Variants in ARID4A observed in about 807,000 individuals in gnomAD.
The protein encoded by ARID4A is AT-rich interaction domain 4A, also known as AT-rich interactive domain-containing protein 4A.
Under a neutral mutation model 148.6 loss-of-function variants are expected in ARID4A, and 39 were observed. The ratio of observed to expected loss-of-function variants is 0.26; its 90% CI spans 0.20 to 0.34. The LOEUF is 0.34. Among genes scored for constraint, ARID4A ranks in the 10% least tolerant of loss-of-function variants. The pLI is 1.00. For synonymous variants in ARID4A, 475 were observed against 481.2 expected (o/e 0.99, Z 0.17); for missense variants, 1,265 against 1,449.1 (o/e 0.87, Z 2.06).
At chr14:58,304,921 T>C (rs1319523687) in intron 3 of ARID4A, 23 bp from the exon 4 acceptor site, 5 of 1,592,216 alleles carry the variant, frequency 3.1e-6, no homozygotes, top group Non-Finnish European at 4.3e-6. Context: ...AATATGCAAA[T>C]TATTGTGCAA....
chr14:58,362,777 C>T (rs1232745467), intron 19 of ARID4A, among the ~76,000 whole-genome samples: 6 of 152,180 alleles, frequency 3.9e-5, no homozygotes, highest in East Asian at 2.0e-4. Flanking sequence ...ACGCTGGTCT[C>T]GCACTCTTGA....
intron 1 of ARID4A, 158 bp from the exon 2 acceptor site, chr14:58,299,640 C>T (rs912600087): frequency 3.2e-6 from 2 of 626,272 alleles, no homozygotes; most frequent in Non-Finnish European, 5.6e-6. Flanking sequence ...CTCGCTGCCC[C>T]CTCAGCTCCT....
At chr14:58,320,829 G>T (rs934415847) in intron 7 of ARID4A, among the ~76,000 whole-genome samples, 1 of 151,990 alleles carries the variant, frequency 6.6e-6, no homozygotes, top group East Asian at 1.9e-4. Context: ...GGATGGTCTC[G>T]ATCTCCTGAC....
chr14:58,327,074 T>C (rs1212005520), intron 8 of ARID4A, among the ~76,000 whole-genome samples: 1 of 152,242 alleles, frequency 6.6e-6, no homozygotes, highest in African/African-American at 2.4e-5. Context: ...TATCTGGATA[T>C]ACACTATTCA....
intron 9 of ARID4A, among the ~76,000 whole-genome samples, chr14:58,328,673 A>G (rs775867316): frequency 5.9e-5 from 9 of 152,032 alleles, no homozygotes; most frequent in Non-Finnish European, 1.3e-4. Context: ...TACAAGAGCA[A>G]TTATTTTGAC....
intron 23 of ARID4A, among the ~76,000 whole-genome samples, chr14:58,371,680 T>G (rs1268111181): frequency 6.6e-6 from 1 of 152,194 alleles, no homozygotes; most frequent in Non-Finnish European, 1.5e-5. Flanking sequence ...TTTTAAGTGT[T>G]GAGTAGTGCT....
intron 16 of ARID4A, 167 bp downstream of exon 16, chr14:58,351,490 G>A: frequency 5.5e-6 from 5 of 910,676 alleles, no homozygotes; most frequent in East Asian, 2.6e-5. Flanking sequence ...ATTGCCTTTC[G>A]GAATTGGAGA....
rs1219714715 is a variant in ARID4A, at chr14:58,304,903, T to C, written c.118-41T>C. 6 of 1,515,612 alleles carry C rather than the reference T, an allele frequency of 4.0e-6. No homozygotes were observed. The Admixed American group carries it at 1.0e-4, about 26-fold the overall frequency. 93.9% of individuals were successfully genotyped at this position (1,515,612 alleles called of 1,614,324 possible). A position where few individuals can be genotyped will look rare whatever the true frequency, so the allele number is the denominator to read the frequency against. On this transcript the variant is annotated intron_variant, in intron 3 of 23. Coordinates refer to ENST00000355431, the MANE Select transcript of ARID4A (RefSeq NM_002892.4). ...TAGTGTTACTATAAATGTATTTGTT[T>C]TAAAAGTAATATGCAAATTATTGTG... is the stretch of plus-strand genomic sequence containing the variant.
chr14:58,366,250 C>T lies in ARID4A; in HGVS notation c.3523+20C>T. 1 of 1,561,310 alleles carries T rather than the reference C, an allele frequency of 6.4e-7. No individual in the cohort carries two copies. On this transcript the variant is annotated intron_variant, in intron 22 of 23. Transcript: ENST00000355431. ...AGCTCAGTAAGAAGCTTATAGAAAA[C>T]TTGATAGATGAATACTGTAAAGTGG...
At chr14:58,362,373 G>A (rs2035170974) in intron 19 of ARID4A, among the ~76,000 whole-genome samples, 1 of 152,086 alleles carries the variant, frequency 6.6e-6, no homozygotes, top group Non-Finnish European at 1.5e-5. Flanking sequence ...AGGATCACTT[G>A]AGCCCAGGAG....
rs146360033 is a variant in ARID4A, at chr14:58,356,540, G to A, written c.1854-2592G>A. ...TAATATGATGCTCATAGCCAGTCTC[G>A]TTTTAGAAACTAGATACTGGGTTAA... On this transcript the variant is annotated intron_variant, in intron 17 of 23. Transcript: ENST00000355431. Among the ~76,000 whole-genome samples the A allele has an allele frequency of 1.4e-3, 218 of 152,034 alleles. 1 individual carries two copies. Among genetic ancestry groups the A allele is most frequent in the Middle Eastern group, 6.8e-3 (2 of 294 alleles).
rs983104372 is a variant in ARID4A, at chr14:58,299,638, C to A, written c.-57-160C>A. On this transcript the variant is annotated intron_variant, in intron 1 of 23. Transcript: ENST00000355431. ...TTGGCGCTCGTGGGGTTCTCGCTGC[C>A]CCCTCAGCTCCTGCGTCCTGGCTGC... 14 of 619,126 alleles carry A rather than the reference C, an allele frequency of 2.3e-5. No homozygotes were observed. In the East Asian group the frequency reaches 3.6e-4, roughly 16 times the overall value. 38.4% of individuals were successfully genotyped at this position (619,126 alleles called of 1,614,324 possible).
chr14:58,371,953 TC>T lies in ARID4A; in HGVS notation c.3743del (p.Pro1248HisfsTer7). On this transcript the variant is annotated frameshift_variant, in exon 24 of 24. Transcript: ENST00000355431. LOFTEE classifies it high-confidence loss of function. ...DTGMSPSSSS[P>X]PQNVLAVECR ...CTGGAATGAGTCCCTCATCATCATCTCCCCCACAAAATGTACTTGCTGTAGA... is the reference window on the plus strand; with the variant it reads ...CTGGAATGAGTCCCTCATCATCATCTCCCCACAAAATGTACTTGCTGTAGA... 1 of 1,611,904 alleles carries T rather than the reference TC, an allele frequency of 6.2e-7. No individual in the cohort carries two copies. The highest frequency in any genetic ancestry group is 8.5e-7 in the Non-Finnish European group (1 of 1,178,094).
intron 8 of ARID4A, among the ~76,000 whole-genome samples, chr14:58,325,995 G>A (rs1056576836): frequency 1.2e-4 from 18 of 151,950 alleles, no homozygotes; most frequent in Non-Finnish European, 2.6e-4. Flanking sequence ...TCAAGTAACA[G>A]TAATATAAAA....
intron 22 of ARID4A, 111 bp downstream of exon 22, chr14:58,366,341 G>A: frequency 1.1e-6 from 1 of 875,746 alleles, no homozygotes; most frequent in East Asian, 2.7e-5. Flanking sequence ...TAACTATTTA[G>A]ATATTCCAAA....
chr14:58,348,580 A>T (rs756929298), intron 15 of ARID4A, among the ~76,000 whole-genome samples: 2 of 152,172 alleles, frequency 1.3e-5, no homozygotes, highest in African/African-American at 4.8e-5. Context: ...AGGAATTGTC[A>T]TCTAGCATTT....
chr14:58,320,888 T>C (rs1006494997), intron 7 of ARID4A, among the ~76,000 whole-genome samples: 2 of 152,196 alleles, frequency 1.3e-5, no homozygotes, highest in Non-Finnish European at 2.9e-5. Flanking sequence ...ATTACAGGCA[T>C]GAGCCACCAC....
At chr14:58,338,983 T>TG (rs1235455892) in intron 11 of ARID4A, among the ~76,000 whole-genome samples, 312 of 138,524 alleles carry the variant, frequency 2.3e-3, no homozygotes, top group Middle Eastern at 8.8e-3. Flanking sequence ...TTTTTTTTTT[T>TG]GGAGACACAG....
chr14:58,360,914 G>A lies in ARID4A; in HGVS notation c.1952G>A (p.Ser651Asn), dbSNP rs961406226. 2 of 1,613,960 alleles carry A rather than the reference G, an allele frequency of 1.2e-6. No individual in the cohort carries two copies. The highest frequency in any genetic ancestry group is 2.7e-5 in the African/African-American group (2 of 74,900). ...GTTGTTGCCCAGAATAAAGAAGATAGTGAAAAGGACGAAAAGAGAGATGAG... is the reference window on the plus strand; with the variant it reads ...GTTGTTGCCCAGAATAAAGAAGATAATGAAAAGGACGAAAAGAGAGATGAG... ...QKKKAKNKEDSEKDEKRDEER... is the reference protein window; with the variant it reads ...QKKKAKNKEDNEKDEKRDEER... Residue 651 changes from serine to asparagine, a missense_variant, in exon 19 of 24, where the codon AGT becomes AAT. By Grantham distance (46) the Ser-to-Asn change is conservative (BLOSUM62 1). Coordinates refer to ENST00000355431, the MANE Select transcript of ARID4A (RefSeq NM_002892.4).
Sources: allele counts gnomAD v4.1 joint callset (sites outside exome capture counted in the v4.1 genomes callset), GRCh38; gene constraint gnomAD v4.1.1; transcripts MANE v1.5; gene names NCBI Gene and HGNC (gene_info 2026-07-23, HGNC 2026-07-21).